PPFIA2: variants seen among roughly 807,000 people sequenced by gnomAD.
PPFIA2 encodes the protein PPFI scaffold protein A2.
In PPFIA2, 46 loss-of-function variants were observed where a neutral mutation model predicts 175.5. The ratio of observed to expected loss-of-function variants is 0.26; its 90% CI spans 0.21 to 0.34. The LOEUF (loss-of-function observed/expected upper bound fraction) is 0.34. Ranked by LOEUF, PPFIA2 falls within the 10% of genes least tolerant of loss-of-function variation. PPFIA2 has a pLI of 1.00. For missense variants in PPFIA2, 1,179 were observed against 1,506.1 expected, an observed-to-expected ratio of 0.78 and a Z score of 3.60; for synonymous variants, 568 against 511.4, an observed-to-expected ratio of 1.11 and a Z score of -1.49.
At chr12:81,615,146 T>C (rs1409115383) in intron 4 of PPFIA2, among the ~76,000 whole-genome samples, 2 of 152,156 alleles carry the variant, frequency 1.3e-5, no homozygotes, top group Admixed American at 1.3e-4. Flanking sequence ...AGCAAATGGA[T>C]TGGGAAAGAT....
chr12:81,326,323 C>A (rs932140804), intron 21 of PPFIA2, among the ~76,000 whole-genome samples: 1 of 152,022 alleles, frequency 6.6e-6, no homozygotes, highest in African/African-American at 2.4e-5. Context: ...TATATGTTTT[C>A]TATTACAAGT....
chr12:81,275,646 A>G (rs1317593227), intron 28 of PPFIA2, among the ~76,000 whole-genome samples: 1 of 152,100 alleles, frequency 6.6e-6, no homozygotes, highest in East Asian at 1.9e-4. Flanking sequence ...ATGTAGAAAC[A>G]CCCATTACAT....
chr12:81,341,661 G>A (rs1444756176), intron 19 of PPFIA2, among the ~76,000 whole-genome samples: 2 of 152,018 alleles, frequency 1.3e-5, no homozygotes, highest in Non-Finnish European at 2.9e-5. Context: ...TGTAGCCCAG[G>A]GAAGCCAAAA....
chr12:81,548,781 T>C (rs183807528), intron 4 of PPFIA2, among the ~76,000 whole-genome samples: 1 of 150,498 alleles, frequency 6.6e-6, no homozygotes, highest in Non-Finnish European at 1.5e-5. Context: ...TGCCAGATGA[T>C]AAAAAAATCC....
intron 14 of PPFIA2, among the ~76,000 whole-genome samples, chr12:81,365,471 T>TA (rs2032889516): frequency 6.6e-6 from 1 of 151,606 alleles, no homozygotes; most frequent in Non-Finnish European, 1.5e-5. Context: ...TGGTAGGTGG[T>TA]GGGGGAGTGG....
At position 81,618,162 on chromosome 12, in the gene PPFIA2, T is replaced by C. The variant is rs544984210; in HGVS notation, c.303+58629A>G. On this transcript the variant is annotated intron_variant, in intron 4 of 32. Transcript: ENST00000549396. ...CTTCTGAGAGGCCCAGTCTAAACAG[T>C]GTAAAAAGGCATGCCTCCACTCCCA... Among the ~76,000 whole-genome samples the C allele has an allele frequency of 3.9e-5, 6 of 152,238 alleles. No individual in the cohort carries two copies. The East Asian group carries it at 1.2e-3, about 29-fold the overall frequency.
At chr12:81,642,742 T>C (rs1323473569) in intron 4 of PPFIA2, among the ~76,000 whole-genome samples, 2 of 84,748 alleles carry the variant, frequency 2.4e-5, no homozygotes, top group Non-Finnish European at 2.8e-5. Flanking sequence ...TATATGTATG[T>C]ATGTATTATA....
chr12:81,371,762 T>C (rs1014764014), intron 11 of PPFIA2, among the ~76,000 whole-genome samples: 3 of 151,832 alleles, frequency 2.0e-5, no homozygotes, highest in Non-Finnish European at 2.9e-5. Flanking sequence ...TTATAAATCA[T>C]AAGACTGGGA....
chr12:81,679,709 A>T (rs1328146664), intron 3 of PPFIA2, among the ~76,000 whole-genome samples: 1 of 151,966 alleles, frequency 6.6e-6, no homozygotes. Flanking sequence ...TAAATCATTC[A>T]ATTGTAAAAA....
At chr12:81,326,468 C>T (rs1244223388) in intron 21 of PPFIA2, among the ~76,000 whole-genome samples, 1 of 152,020 alleles carries the variant, frequency 6.6e-6, no homozygotes, top group African/African-American at 2.4e-5. Context: ...GTGTTCTGGG[C>T]AGGTTCTTGT....
chr12:81,479,370 C>A (rs1221899607), intron 4 of PPFIA2, among the ~76,000 whole-genome samples: 1 of 152,138 alleles, frequency 6.6e-6, no homozygotes, highest in Non-Finnish European at 1.5e-5. Context: ...TAGGTCTTGA[C>A]TCTTTATCCA....
chr12:81,426,663 C>CTTATTTATTTAT (rs144612518), intron 7 of PPFIA2, among the ~76,000 whole-genome samples: 3 of 151,662 alleles, frequency 2.0e-5, no homozygotes, highest in African/African-American at 7.3e-5. Flanking sequence ...TTTCATCCAT[C>CTTATTTATTTAT]TTATTTATTT....
At chr12:81,405,328 G>T (rs995091846) in intron 8 of PPFIA2, among the ~76,000 whole-genome samples, 9 of 151,860 alleles carry the variant, frequency 5.9e-5, no homozygotes, top group African/African-American at 1.9e-4. Flanking sequence ...AACAATTTTC[G>T]CAGTCATAAA....
chr12:81,754,285 G>T, intron 2 of PPFIA2, 62 bp from the exon 3 acceptor site: 1 of 1,520,390 alleles, frequency 6.6e-7, no homozygotes, highest in South Asian at 1.2e-5. Flanking sequence ...ATTTCATTTG[G>T]AGAGCAATTC....
At position 81,403,026 on chromosome 12, in the gene PPFIA2, TATGGGC is replaced by T. The variant is rs2042329137; in HGVS notation, c.762+2755_762+2760del. 3.3e-5 allele frequency among the ~76,000 whole-genome samples: 5 copies of T among 152,230 alleles called. No homozygotes were observed. The South Asian group carries it at 1.0e-3, about 32-fold the overall frequency. ...CACATTTTAGGTTTACACCAAAGGATATGGGCATGATATTATGCATGATAATAATAT... is the reference window on the plus strand; with the variant it reads ...CACATTTTAGGTTTACACCAAAGGATATGATATTATGCATGATAATAATAT... On this transcript the variant is annotated intron_variant, in intron 8 of 32. Coordinates refer to ENST00000549396, the MANE Select transcript of PPFIA2 (RefSeq NM_003625.5).
intron 6 of PPFIA2, 72 bp from the exon 7 acceptor site, chr12:81,440,118 A>G: frequency 8.8e-7 from 1 of 1,129,998 alleles, no homozygotes; most frequent in Non-Finnish European, 1.2e-6. Context: ...ATCCATAATT[A>G]ACATCATCAG....
intron 3 of PPFIA2, among the ~76,000 whole-genome samples, chr12:81,678,839 A>G (rs2073067610): frequency 6.6e-6 from 1 of 151,814 alleles, no homozygotes; most frequent in African/African-American, 2.4e-5. Flanking sequence ...TGAAAAGTAA[A>G]AATATCCTAA....
At chr12:81,742,209 T>C (rs1369015153) in intron 3 of PPFIA2, among the ~76,000 whole-genome samples, 1 of 152,242 alleles carries the variant, frequency 6.6e-6, no homozygotes, top group Non-Finnish European at 1.5e-5. Context: ...CATTAAGACA[T>C]TAAGTTATTT....
At chr12:81,302,559 A>T (rs12311061) in intron 22 of PPFIA2, 4,567 of 279,366 alleles carry the variant, frequency 0.016, 215 homozygotes, top group African/African-American at 0.097. Context: ...GGTTTCCAAC[A>T]GTTAGGGCAA....
Sources: allele counts gnomAD v4.1 joint callset (sites outside exome capture counted in the v4.1 genomes callset), GRCh38; gene constraint gnomAD v4.1.1; transcripts MANE v1.5; gene names NCBI Gene and HGNC (gene_info 2026-07-23, HGNC 2026-07-21).